The following INTS6L variants were observed in gnomAD, a reference collection of about 807,000 sequenced individuals.
INTS6L encodes integrator complex subunit 6-like.
Under a neutral mutation model 64.7 loss-of-function variants are expected in INTS6L, and 18 were observed. The observed-to-expected ratio is 0.28, with a 90% CI of 0.19 to 0.41. The LOEUF (loss-of-function observed/expected upper bound fraction) is 0.41. Ranked by LOEUF, INTS6L falls within the 10% of genes least tolerant of loss-of-function variation. The pLI, the probability that INTS6L is intolerant of heterozygous loss-of-function variation, is 1.00. For missense variants in INTS6L, 533 were observed against 661.0 expected (o/e 0.81, Z 2.12); for synonymous variants, 227 against 235.9 (o/e 0.96, Z 0.34).
chrX:135,574,566 A>G (rs1556529776), intron 13 of INTS6L, among the ~76,000 whole-genome samples: 1 of 112,129 alleles, frequency 8.9e-6, no homozygotes, highest in East Asian at 2.8e-4. Context: ...CATTTACTCC[A>G]TTTTGTTAAT....
chrX:135,570,346 T>G, intron 10 of INTS6L, 90 bp from the exon 11 acceptor site: 3 of 838,439 alleles, frequency 3.6e-6, no homozygotes, highest in Non-Finnish European at 4.8e-6. Context: ...TTCTAAGAAA[T>G]GAATCATGTC....
In INTS6L at chrX:135,528,924, C is replaced by T. The variant is rs927334026; in HGVS notation, c.189+7606C>T. Among the ~76,000 whole-genome samples, 44 of 83,884 alleles carry T rather than the reference C, an allele frequency of 5.2e-4. 1 individual carries two copies. Among genetic ancestry groups the T allele is most frequent in the Middle Eastern group, 0.011 (1 of 87 alleles). The allele number at this position is 83,884 out of a possible 115,157, so 72.8% of individuals were successfully genotyped here. Reference sequence around the variant, plus strand: ...CATTTGTGCATGAAAGGTTATCATACAGTTCAGAGTTGATGGCTTGATAAC... The same window carrying T: ...CATTTGTGCATGAAAGGTTATCATATAGTTCAGAGTTGATGGCTTGATAAC... On this transcript the variant is annotated intron_variant, in intron 2 of 17. Transcript: ENST00000639893.
intron 2 of INTS6L, among the ~76,000 whole-genome samples, chrX:135,528,223 C>A (rs2085792658): frequency 8.9e-6 from 1 of 111,768 alleles, no homozygotes; most frequent in African/African-American, 3.3e-5. Flanking sequence ...CACATTATCT[C>A]CTGGATACAA....
At chrX:135,546,565 A>G in intron 4 of INTS6L, 96 bp downstream of exon 4, 1 of 998,422 alleles carries the variant, frequency 1.0e-6, no homozygotes, top group Non-Finnish European at 1.3e-6. Flanking sequence ...AGTTTGGTCA[A>G]ATCATCCATC....
At position 135,527,696 on chromosome X, in the gene INTS6L, T is replaced by TA. The variant is rs1167345480; in HGVS notation, c.189+6379dup. ...GAAATAGGACAAAGCTTGTTGTCTA[T>TA]ATGCTTGTTTGGTTATAATTACCTT... On this transcript the variant is annotated intron_variant, in intron 2 of 17. Coordinates refer to ENST00000639893, the MANE Select transcript of INTS6L (RefSeq NM_001351601.3). 5.4e-5 allele frequency among the ~76,000 whole-genome samples: 6 copies of TA among 111,811 alleles called. No homozygotes were observed. The East Asian group carries it at 1.7e-3, about 31-fold the overall frequency.
chrX:135,579,654 G>A (rs1175289377), intron 15 of INTS6L, 134 bp from the exon 16 acceptor site: 1 of 895,423 alleles, frequency 1.1e-6, no homozygotes, highest in Non-Finnish European at 1.5e-6. Flanking sequence ...AATTTGAGGG[G>A]TCTCAGATCG....
At position 135,582,448 on chromosome X, in the gene INTS6L, G is replaced by C. The variant is rs1480905775; in HGVS notation, c.*812G>C. On this transcript the variant is annotated 3_prime_UTR_variant, in exon 18 of 18. Transcript: ENST00000639893. Reference sequence around the variant, plus strand: ...TGTATGAATTTGCAAAAATTAAAGTGTACAAAGAGATTTTGATTTTGCATA... The same window carrying C: ...TGTATGAATTTGCAAAAATTAAAGTCTACAAAGAGATTTTGATTTTGCATA... 8.9e-6 allele frequency: 1 copy of C among 112,204 alleles called. No homozygotes were observed. Among genetic ancestry groups the C allele is most frequent in the East Asian group, 2.8e-4 (1 of 3,604 alleles). The allele number at this position is 112,204 out of a possible 1,213,427, so 9.2% of individuals were successfully genotyped here.
intron 14 of INTS6L, among the ~76,000 whole-genome samples, chrX:135,576,205 T>C (rs2087221712): frequency 9.1e-6 from 1 of 109,315 alleles, no homozygotes; most frequent in Admixed American, 9.9e-5. Flanking sequence ...TGGGTGCCTG[T>C]AATCCCAGCT....
chrX:135,579,973 A>G lies in INTS6L; in HGVS notation c.2305A>G (p.Lys769Glu). The change falls in exon 16 of 18, where the codon AAA becomes GAA. Residue 769 changes from lysine (K) to glutamate (E), a missense_variant. Transcript: ENST00000639893. ...TSLSKDGLIQ[K>E]PGSNAFVGGA... ...TCTCAGCAAAGATGGGCTGATTCAA[A>G]AACCTGGTAGTAACGCATTTGTAGG... 1 of 1,211,788 alleles carries G rather than the reference A, an allele frequency of 8.3e-7. No individual in the cohort carries two copies.
In INTS6L at chrX:135,549,719, G is replaced by C; in HGVS notation, c.820G>C (p.Val274Leu). 2 of 1,211,821 alleles carry C rather than the reference G, an allele frequency of 1.7e-6. No homozygotes were observed. The highest frequency in any genetic ancestry group is 2.2e-6 in the Non-Finnish European group (2 of 895,332). ...GCATAGTTGTCATAAACTCATTTATGTACGACCTAACTCTAAAACTGGTGT... is the reference window on the plus strand; with the variant it reads ...GCATAGTTGTCATAAACTCATTTATCTACGACCTAACTCTAAAACTGGTGT... ...PWHSCHKLIY[V>L]RPNSKTGVPV... Residue 274 changes from valine (V) to leucine (L), a missense_variant, in exon 7 of 18, where the codon GTA becomes CTA. Val to Leu is a conservative substitution (Grantham distance 32). Coordinates refer to ENST00000639893, the MANE Select transcript of INTS6L (RefSeq NM_001351601.3).
chrX:135,543,168 G>A (rs1432412122), intron 2 of INTS6L, among the ~76,000 whole-genome samples: 2 of 110,581 alleles, frequency 1.8e-5, no homozygotes, highest in Non-Finnish European at 3.8e-5. Flanking sequence ...TACCAGCAGA[G>A]ATCTTAGTAA....
At chrX:135,548,564 T>G (rs2086419333) in intron 6 of INTS6L, among the ~76,000 whole-genome samples, 1 of 111,482 alleles carries the variant, frequency 9.0e-6, no homozygotes, top group Non-Finnish European at 1.9e-5. Context: ...TTTTTCTAGC[T>G]CCAGTTCTCC....
chrX:135,561,793 T>C (rs1556522371), intron 9 of INTS6L, among the ~76,000 whole-genome samples: 1 of 111,824 alleles, frequency 8.9e-6, no homozygotes, highest in Non-Finnish European at 1.9e-5. Flanking sequence ...GTCCATTTTA[T>C]CTAAGTTGTG....
At chrX:135,566,671 C>T (rs1217894519) in intron 9 of INTS6L, among the ~76,000 whole-genome samples, 1 of 111,825 alleles carries the variant, frequency 8.9e-6, no homozygotes, top group African/African-American at 3.2e-5. Flanking sequence ...CAATGAGCTA[C>T]CAGAATCATT....
chrX:135,579,701 C>T, intron 15 of INTS6L, 87 bp from the exon 16 acceptor site: 2 of 1,083,108 alleles, frequency 1.8e-6, no homozygotes, highest in South Asian at 2.7e-5. Context: ...GAGATAATTT[C>T]CTAGAAATTG....
At chrX:135,536,090 C>T (rs2086044210) in intron 2 of INTS6L, among the ~76,000 whole-genome samples, 2 of 111,761 alleles carry the variant, frequency 1.8e-5, no homozygotes, top group African/African-American at 3.3e-5. Flanking sequence ...GATGTATGTG[C>T]CTAAAACAGG....
chrX:135,531,417 C>G (rs1297451242), intron 2 of INTS6L, among the ~76,000 whole-genome samples: 1 of 112,545 alleles, frequency 8.9e-6, no homozygotes, highest in Non-Finnish European at 1.9e-5. Flanking sequence ...CACATCTCCA[C>G]TGACTGTCTG....
intron 2 of INTS6L, among the ~76,000 whole-genome samples, chrX:135,529,318 G>T (rs2085839313): frequency 8.9e-6 from 1 of 111,747 alleles, no homozygotes; most frequent in African/African-American, 3.3e-5. Context: ...CTTAACAAAG[G>T]GGAATTTGTA....
intron 9 of INTS6L, among the ~76,000 whole-genome samples, chrX:135,565,544 T>C (rs2086923657): frequency 9.0e-6 from 1 of 111,605 alleles, no homozygotes; most frequent in Admixed American, 9.5e-5. Context: ...CTGTTTGAAG[T>C]GTCTTCTGTC....
Sources: allele counts gnomAD v4.1 joint callset (sites outside exome capture counted in the v4.1 genomes callset), GRCh38; gene constraint gnomAD v4.1.1; transcripts MANE v1.5; gene names NCBI Gene and HGNC (gene_info 2026-07-23, HGNC 2026-07-21).